Variants in NOC3L observed in about 807,000 individuals in gnomAD.
The protein encoded by NOC3L is NOC3 like DNA replication regulator, also known as nucleolar complex protein 3 homolog.
NOC3L carries 85 observed loss-of-function variants against 102.5 expected under a neutral mutation model. That is an observed-to-expected ratio of 0.83 (90% CI 0.70 to 0.99). The LOEUF (loss-of-function observed/expected upper bound fraction) is 0.99. NOC3L is among the 50% of genes least tolerant of loss of function. The pLI is 0.00. For synonymous variants in NOC3L, 303 were observed against 309.4 expected (o/e 0.98, Z 0.22); for missense variants, 878 against 914.9 (o/e 0.96, Z 0.52).
chr10:94,334,653 G>T lies in NOC3L; in HGVS notation c.2255C>A (p.Ser752Tyr). Reference sequence around the variant, plus strand: ...CCATACCTTTATTTTGGGGTTTGAAGATTCAACAGGAGGATTGAATGTCAT... The same window carrying T: ...CCATACCTTTATTTTGGGGTTTGAATATTCAACAGGAGGATTGAATGTCAT... ...AEMTFNPPVE[S>Y]SNPKIKGKFL... The change falls in exon 20 of 21, where the codon TCT becomes TAT. Residue 752 changes from serine to tyrosine, a missense_variant. By Grantham distance (144) the Ser-to-Tyr change is moderately radical. Transcript: ENST00000371361. 2 of 1,612,336 alleles carry T rather than the reference G, an allele frequency of 1.2e-6. No individual in the cohort carries two copies. Among genetic ancestry groups the T allele is most frequent in the Non-Finnish European group, 1.7e-6 (2 of 1,179,188 alleles).
intron 2 of NOC3L, among the ~76,000 whole-genome samples, chr10:94,359,123 C>T (rs2054522882): frequency 6.6e-6 from 1 of 152,032 alleles, no homozygotes; most frequent in Admixed American, 6.5e-5. Context: ...CTTCCTGACC[C>T]ATTAAAACTC....
rs901740978 is a variant in NOC3L, at chr10:94,359,821, A to G, written c.218-1606T>C. On this transcript the variant is annotated intron_variant, in intron 2 of 20. Coordinates refer to ENST00000371361, the MANE Select transcript of NOC3L (RefSeq NM_022451.11). The stretch of plus-strand genomic sequence containing the variant: ...TAAATTAGCACAACCACTATGGAGA[A>G]AAGTTTGGAAGTTCCTCAAAAAACT... Among the ~76,000 whole-genome samples, 3 of 152,202 alleles carry G rather than the reference A, an allele frequency of 2.0e-5. No homozygotes were observed. In the East Asian group the frequency reaches 5.8e-4, roughly 29 times the overall value.
At chr10:94,334,782 A>G in intron 19 of NOC3L, 64 bp from the exon 20 acceptor site, 2 of 1,120,638 alleles carry the variant, frequency 1.8e-6, no homozygotes, top group South Asian at 1.3e-5. Context: ...AAATAATTAG[A>G]TTATACTCAG....
chr10:94,339,930 C>T lies in NOC3L; in HGVS notation c.1781-10G>A, dbSNP rs191382004. On this transcript the variant is annotated splice_polypyrimidine_tract_variant and intron_variant, in intron 16 of 20. Coordinates refer to ENST00000371361, the MANE Select transcript of NOC3L (RefSeq NM_022451.11). ...CCTTCATTGGTAGCACCTAAAACAG[C>T]AGACATATTCTTCAGAGCTGTTCTC... 3.5e-5 allele frequency: 57 copies of T among 1,609,282 alleles called. No individual in the cohort carries two copies. The East Asian group carries it at 1.2e-3, about 33-fold the overall frequency.
At chr10:94,332,513 G>GCC (rs1357865673), downstream of NOC3L, 15 of 112,448 alleles carry the variant, frequency 1.3e-4, no homozygotes, top group Admixed American at 8.4e-4. Context: ...GCCTGTGTGT[G>GCC]TGTGTGTGTG....
the NOC3L span, among the ~76,000 whole-genome samples, chr10:94,324,169 G>A: frequency 2.0e-5 from 3 of 152,184 alleles, no homozygotes; most frequent in Non-Finnish European, 4.4e-5. Context: ...ATGAGGTAAC[G>A]TGGGAAATTA....
chr10:94,323,469 T>C, the NOC3L span, among the ~76,000 whole-genome samples: 1 of 152,214 alleles, frequency 6.6e-6, no homozygotes, highest in Admixed American at 6.5e-5. Flanking sequence ...ATTTATTTCT[T>C]TTGTGTAAAT....
the NOC3L span, chr10:94,316,483 C>T: frequency 9.9e-7 from 1 of 1,011,418 alleles, no homozygotes; most frequent in Non-Finnish European, 1.6e-6. Context: ...ATCTGAACAC[C>T]ATGAAAGTTG....
the NOC3L span, among the ~76,000 whole-genome samples, chr10:94,326,967 T>A: frequency 1.3e-5 from 2 of 151,934 alleles, no homozygotes; most frequent in Admixed American, 6.5e-5. Flanking sequence ...GAGACCATCC[T>A]GGCCAACATG....
the NOC3L span, chr10:94,315,526 T>C: frequency 6.6e-6 from 3 of 455,778 alleles, no homozygotes; most frequent in Non-Finnish European, 1.3e-5. Context: ...CCCGGCACTT[T>C]GGGAGGCCGA....
chr10:94,356,636 T>G (rs1249862185), intron 4 of NOC3L, 45 bp from the exon 5 acceptor site: 2 of 1,129,090 alleles, frequency 1.8e-6, no homozygotes, highest in Non-Finnish European at 2.7e-6. Context: ...TATACTTAAG[T>G]GGTAAAAACT....
chr10:94,340,376 G>A, intron 15 of NOC3L, 29 bp from the exon 16 acceptor site: 1 of 1,608,316 alleles, frequency 6.2e-7, no homozygotes. Context: ...CACCAATTAG[G>A]TATGTTATAG....
intron 5 of NOC3L, among the ~76,000 whole-genome samples, chr10:94,355,385 C>A (rs2054471512): frequency 6.6e-6 from 1 of 150,428 alleles, no homozygotes; most frequent in South Asian, 2.1e-4. Context: ...CAGTCTGATT[C>A]TAGAACTTTT....
At chr10:94,340,999 A>C (rs12241122) in intron 14 of NOC3L, among the ~76,000 whole-genome samples, 41,544 of 147,486 alleles carry the variant, frequency 0.28, 6,395 homozygotes, top group Middle Eastern at 0.43. Flanking sequence ...AAAAAAAAAA[A>C]ATTTCTACAA....
chr10:94,322,261 G>GAGCT, the NOC3L span, among the ~76,000 whole-genome samples: 1 of 152,064 alleles, frequency 6.6e-6, no homozygotes, highest in African/African-American at 2.4e-5. Flanking sequence ...AGCTGAGGCA[G>GAGCT]GAGGATTACT....
At chr10:94,349,048 A>G (rs866870669) in intron 10 of NOC3L, among the ~76,000 whole-genome samples, 3 of 152,166 alleles carry the variant, frequency 2.0e-5, no homozygotes, top group South Asian at 2.1e-4. Flanking sequence ...ATATATGACT[A>G]TATCTGCAAA....
chr10:94,361,850 G>A lies in NOC3L; in HGVS notation c.32C>T (p.Pro11Leu), dbSNP rs2054555378. ...AGTTTTTATTAACTTGCGAAAGCTT[G>A]GGATCTGTTTTTTATTTCTTCTCTA... MKARRNKKQI[P>L]SFRKLIKTSK... is the part of the protein sequence containing the mutation. Residue 11 changes from proline (P) to leucine (L), a missense_variant, in exon 2 of 21, where the codon CCA becomes CTA. Physicochemically the swap from Pro to Leu is moderately conservative, Grantham distance 98 (BLOSUM62 -3). Transcript: ENST00000371361. 6.2e-7 allele frequency: 1 copy of A among 1,611,514 alleles called. No homozygotes were observed. Among genetic ancestry groups the A allele is most frequent in the African/African-American group, 1.3e-5 (1 of 74,854 alleles).
In NOC3L at chr10:94,339,916, A is replaced by G. The variant is rs2054262493; in HGVS notation, c.1785T>C (p.Ala595=). The G allele has an allele frequency of 2.5e-6, 4 of 1,613,252 alleles. No individual in the cohort carries two copies. The highest frequency in any genetic ancestry group is 3.4e-6 in the Non-Finnish European group (4 of 1,179,538). ...GTACAATCTCAACACCTTCATTGGTAGCACCTAAAACAGCAGACATATTCT... is the reference window on the plus strand; with the variant it reads ...GTACAATCTCAACACCTTCATTGGTGGCACCTAAAACAGCAGACATATTCT... ...YKTLFKLHAG[A]TNEGVEIVLQ... Residue 595 remains alanine, a synonymous_variant, in exon 17 of 21, where the codon GCT becomes GCC. Transcript: ENST00000371361.
At chr10:94,315,259 A>G in the NOC3L span, 8 of 371,258 alleles carry the variant, frequency 2.2e-5, no homozygotes, top group Non-Finnish European at 3.7e-5. Context: ...AGTCCATCAC[A>G]TTCTGCTTTT....
Sources: gnomAD v4.1 joint callset for allele counts (sites outside exome capture counted in the v4.1 genomes callset) on GRCh38, gnomAD v4.1.1 for gene constraint, MANE v1.5 for transcripts, NCBI Gene and HGNC (gene_info 2026-07-23, HGNC 2026-07-21) for gene names.